Variants in MMUT observed in about 807,000 individuals in gnomAD.
MMUT encodes methylmalonyl-CoA mutase, mitochondrial.
A neutral mutation model predicts 79.9 loss-of-function variants in MMUT; 79 were observed. The observed-to-expected ratio is 0.99, with a 90% CI of 0.82 to 1.19. The LOEUF is 1.19. MMUT is among the 50% of genes most tolerant of loss of function. The pLI, the probability that MMUT is intolerant of heterozygous loss-of-function variation, is 0.00. For missense variants in MMUT, 860 were observed against 917.2 expected (o/e 0.94, Z 0.81); for synonymous variants, 273 against 295.7 (o/e 0.92, Z 0.79).
chr6:49,452,591 C>T (rs1767581978), intron 5 of MMUT, among the ~76,000 whole-genome samples: 1 of 152,126 alleles, frequency 6.6e-6, no homozygotes, highest in Admixed American at 6.5e-5. Context: ...CCTTGGCCTC[C>T]CAAAGTGCTG....
At chr6:49,451,413 T>C in intron 6 of MMUT, 53 bp downstream of exon 6, 1 of 1,580,520 alleles carries the variant, frequency 6.3e-7, no homozygotes, top group African/African-American at 1.4e-5. Flanking sequence ...AATCTATAAA[T>C]CTTTACAAAT....
chr6:49,446,643 A>G (rs187021951), intron 8 of MMUT, among the ~76,000 whole-genome samples: 47 of 151,994 alleles, frequency 3.1e-4, no homozygotes, highest in Admixed American at 3.1e-3. Flanking sequence ...ACAATTCAAG[A>G]AAAGGATTTA....
At chr6:49,457,314 G>T (rs996100465) in intron 3 of MMUT, among the ~76,000 whole-genome samples, 3 of 152,160 alleles carry the variant, frequency 2.0e-5, no homozygotes, top group Admixed American at 6.6e-5. Context: ...AGTGATAAGT[G>T]ATATCTTCCA....
At chr6:49,457,299 A>G (rs1767712751) in intron 3 of MMUT, among the ~76,000 whole-genome samples, 1 of 152,226 alleles carries the variant, frequency 6.6e-6, no homozygotes, top group Admixed American at 6.5e-5. Context: ...GAGGTTGCAG[A>G]TATGAGTGAT....
rs1320622655 is a variant in MMUT at position 49,459,249 on chromosome 6, T to C, written c.218A>G (p.Tyr73Cys). The C allele has an allele frequency of 9.3e-6, 15 of 1,614,080 alleles. No individual in the cohort carries two copies. Among genetic ancestry groups the C allele is most frequent in the African/African-American group, 1.3e-5 (1 of 74,934 alleles). Residue 73 changes from tyrosine to cysteine, a missense_variant, in exon 2 of 13, where the codon TAT becomes TGT. Coordinates refer to ENST00000274813, the MANE Select transcript of MMUT (RefSeq NM_000255.4). ...TPEGISIKPL[Y>C]SKRDTMDLPE... Reference sequence around the variant, plus strand: ...TAAGTCCATAGTATCTCTCTTGGAATACAAGGGTTTTATAGAGATCCCTTC... The same window carrying C: ...TAAGTCCATAGTATCTCTCTTGGAACACAAGGGTTTTATAGAGATCCCTTC...
At position 49,463,158 on chromosome 6, in the gene MMUT, C is replaced by A. The variant is rs933565345; in HGVS notation, c.-95G>T. 1 of 152,410 alleles carries A rather than the reference C, an allele frequency of 6.6e-6. No individual in the cohort carries two copies. 9.4% of individuals were successfully genotyped at this position (152,410 alleles called of 1,614,324 possible). ...AGAGGGCGGCTGCACTTCTGCGTCC[C>A]CCGCCTCACCTGTCAGACATCCACA... On this transcript the variant is annotated 5_prime_UTR_variant, in exon 1 of 13. Coordinates refer to ENST00000274813, the MANE Select transcript of MMUT (RefSeq NM_000255.4).
chr6:49,430,809 A>T lies in MMUT; in HGVS notation c.*919T>A, dbSNP rs772592770. The T allele has an allele frequency of 6.6e-6, 1 of 152,164 alleles. No individual in the cohort carries two copies. The highest frequency in any genetic ancestry group is 2.4e-5 in the African/African-American group (1 of 41,454). The allele number at this position is 152,164 out of a possible 1,614,324, so 9.4% of individuals were successfully genotyped here. Reference sequence around the variant, plus strand: ...TGTGCAGGATGTGCAGATTTGTTAAACAGGTAAATGGCAACTTTCCTTCTT... The same window carrying T: ...TGTGCAGGATGTGCAGATTTGTTAATCAGGTAAATGGCAACTTTCCTTCTT... On this transcript the variant is annotated 3_prime_UTR_variant, in exon 13 of 13. Transcript: ENST00000274813.
rs894774466 is a variant in MMUT at position 49,430,727 on chromosome 6, T to A, written c.*1001A>T. On this transcript the variant is annotated 3_prime_UTR_variant, in exon 13 of 13. Transcript: ENST00000274813. The stretch of plus-strand genomic sequence containing the variant: ...TTCATGTAATGGATCATGTTAACAA[T>A]AAAGGACAACTTTCCTTTTTTATTT... The A allele has an allele frequency of 6.6e-6, 1 of 152,198 alleles. No homozygotes were observed. The highest frequency in any genetic ancestry group is 1.5e-5 in the Non-Finnish European group (1 of 68,022). 9.4% of individuals were successfully genotyped at this position (152,198 alleles called of 1,614,324 possible).
chr6:49,432,174 A>T (rs987746146), intron 12 of MMUT, among the ~76,000 whole-genome samples: 2 of 152,066 alleles, frequency 1.3e-5, no homozygotes, highest in Non-Finnish European at 2.9e-5. Context: ...TCTCACCTAA[A>T]TTTTCACTAG....
intron 11 of MMUT, among the ~76,000 whole-genome samples, chr6:49,438,858 C>T (rs1051211791): frequency 4.6e-5 from 7 of 152,216 alleles, no homozygotes; most frequent in Admixed American, 3.9e-4. Flanking sequence ...ATCTTTCTCC[C>T]GTGGTGGATG....
Position 49,444,750 on chromosome 6 carries a change from T to A in MMUT, c.1565A>T (p.Lys522Ile). ...AGCCAAAGCTTGATCCCTGCTGGAT[T>A]TGATCTATGGAAAAAGTCAAGGAAA... is the stretch of plus-strand genomic sequence containing the variant. ...NRQIEKLKKI[K>I]SSRDQALAER... is the part of the protein sequence containing the mutation. Residue 522 changes from lysine (K) to isoleucine (I), a missense_variant, in exon 9 of 13, where the codon AAA becomes ATA. Transcript: ENST00000274813. The A allele has an allele frequency of 6.2e-7, 1 of 1,611,500 alleles. No homozygotes were observed. Among genetic ancestry groups the A allele is most frequent in the Non-Finnish European group, 8.5e-7 (1 of 1,177,862 alleles).
At chr6:49,438,370 T>G (rs905130207) in intron 11 of MMUT, among the ~76,000 whole-genome samples, 1 of 152,176 alleles carries the variant, frequency 6.6e-6, no homozygotes, top group African/African-American at 2.4e-5. Flanking sequence ...AAAATAACCT[T>G]ACTTATGAAT....
chr6:49,461,831 A>C (rs1448924931), intron 1 of MMUT, among the ~76,000 whole-genome samples: 1 of 152,194 alleles, frequency 6.6e-6, no homozygotes, highest in Non-Finnish European at 1.5e-5. Flanking sequence ...CTTTAAATCC[A>C]TGGGGTCCTT....
intron 1 of MMUT, among the ~76,000 whole-genome samples, chr6:49,461,349 T>C (rs1767835842): frequency 6.6e-6 from 1 of 152,178 alleles, no homozygotes; most frequent in Non-Finnish European, 1.5e-5. Flanking sequence ...AAATGTGTTA[T>C]GCATAGTTTC....
At position 49,458,084 on chromosome 6, in the gene MMUT, A is replaced by G. The variant is rs764979416; in HGVS notation, c.386-26T>C. On this transcript the variant is annotated intron_variant, in intron 2 of 12. Coordinates refer to ENST00000274813, the MANE Select transcript of MMUT (RefSeq NM_000255.4). ...CTAAATATATAAAGAAAAATAATGT[A>G]AGATTCAAGAGTCTGGAATCAAGGT... 12 of 1,596,424 alleles carry G rather than the reference A, an allele frequency of 7.5e-6. No homozygotes were observed. The Admixed American group carries it at 2.0e-4, about 27-fold the overall frequency.
chr6:49,456,359 T>G, intron 3 of MMUT, 122 bp from the exon 4 acceptor site: 1 of 738,500 alleles, frequency 1.4e-6, no homozygotes, highest in Non-Finnish European at 2.3e-6. Flanking sequence ...ACTTGGTAGT[T>G]CATAATGTTA....
At chr6:49,447,212 G>C (rs1767431203) in intron 8 of MMUT, among the ~76,000 whole-genome samples, 2 of 151,822 alleles carry the variant, frequency 1.3e-5, no homozygotes, top group African/African-American at 4.8e-5. Context: ...CAAAAAGCAA[G>C]TAATTATTTC....
At chr6:49,457,533 G>A (rs538999760) in intron 3 of MMUT, among the ~76,000 whole-genome samples, 158 bp downstream of exon 3, 1 of 152,186 alleles carries the variant, frequency 6.6e-6, no homozygotes, top group South Asian at 2.1e-4. Context: ...AGTAACGACA[G>A]AACATAAAAT....
chr6:49,444,192 G>T (rs997089456), intron 9 of MMUT, among the ~76,000 whole-genome samples: 1 of 152,218 alleles, frequency 6.6e-6, no homozygotes, highest in African/African-American at 2.4e-5. Flanking sequence ...GGGGAAGTTG[G>T]TTGCTCTTCC....
Sources: allele counts gnomAD v4.1 joint callset (sites outside exome capture counted in the v4.1 genomes callset), GRCh38; gene constraint gnomAD v4.1.1; transcripts MANE v1.5; gene names NCBI Gene and HGNC (gene_info 2026-07-23, HGNC 2026-07-21).